The following RBFOX1 variants were observed in gnomAD, a reference collection of about 807,000 sequenced individuals.
RBFOX1 encodes the protein RNA binding fox-1 homolog 1, also known as RNA binding protein fox-1 homolog 1.
A neutral mutation model predicts 57.7 loss-of-function variants in RBFOX1; 8 were observed. That is an observed-to-expected ratio of 0.14 (90% CI 0.08 to 0.25). The LOEUF is 0.25. RBFOX1 is among the 10% of genes least tolerant of loss of function. RBFOX1 has a pLI of 1.00. For synonymous variants in RBFOX1, 326 were observed against 222.4 expected (o/e 1.47, Z -4.15); for missense variants, 611 against 548.5 (o/e 1.11, Z -1.14).
chr16:6,342,154 C>A (rs1275702187), intron 2 of RBFOX1, among the ~76,000 whole-genome samples: 1 of 152,074 alleles, frequency 6.6e-6, no homozygotes, highest in Non-Finnish European at 1.5e-5. Context: ...TGATGGTGGT[C>A]AATTTGCATT....
chr16:5,968,321 C>T (rs560923028), intron 4 of RBFOX1, among the ~76,000 whole-genome samples: 16 of 152,158 alleles, frequency 1.1e-4, no homozygotes, highest in Non-Finnish European at 1.9e-4. Flanking sequence ...ATGATCCCCC[C>T]GCCTCAGCCT....
At chr16:7,042,730 A>T (rs1208115186) in intron 3 of RBFOX1, among the ~76,000 whole-genome samples, 1 of 152,174 alleles carries the variant, frequency 6.6e-6, no homozygotes, top group East Asian at 1.9e-4. Flanking sequence ...GTTCAAGACC[A>T]GCCTGGCCAA....
rs575235024 is a variant in RBFOX1, at chr16:5,897,016, C to CTTTTTTTTTTTTTTTTTTTTTTTTTTTTT, written c.351+29683_351+29711dup. Among the ~76,000 whole-genome samples, 11 of 56,468 alleles carry CTTTTTTTTTTTTTTTTTTTTTTTTTTTTT rather than the reference C, an allele frequency of 1.9e-4. 3 individuals carry two copies. The highest frequency in any genetic ancestry group is 5.4e-4 in the African/African-American group (7 of 13,014). 37.0% of individuals were successfully genotyped at this position (56,468 alleles called of 152,430 possible). On this transcript the variant is annotated intron_variant, in intron 4 of 19. Transcript: ENST00000641259. Reference sequence around the variant, plus strand: ...CCCCCACTAAAAATGTATCCATCCGCTTTTTTTTTTTTTTTTTTTTTTTTT... The same window carrying CTTTTTTTTTTTTTTTTTTTTTTTTTTTTT: ...CCCCCACTAAAAATGTATCCATCCGCTTTTTTTTTTTTTTTTTTTTTTTTTTTTTTTTTTTTTTTTTTTTTTTTTTTTTT...
At chr16:7,365,820 T>C (rs919979746) in intron 4 of RBFOX1, among the ~76,000 whole-genome samples, 1 of 152,208 alleles carries the variant, frequency 6.6e-6, no homozygotes, top group African/African-American at 2.4e-5. Flanking sequence ...GATACAGGTA[T>C]CTCTTACGTG....
chr16:7,190,619 G>A (rs72636217), intron 4 of RBFOX1, among the ~76,000 whole-genome samples: 36,983 of 151,902 alleles, frequency 0.24, 4,862 homozygotes, highest in East Asian at 0.38. Context: ...TAGAGGGTTG[G>A]TAGAGTGGTA....
chr16:5,867,257 C>T (rs2057364355), intron 3 of RBFOX1: 6 of 1,146,940 alleles, frequency 5.2e-6, no homozygotes, highest in South Asian at 4.4e-5. Context: ...ATCCAATTAC[C>T]TTCTTGTTGA....
intron 1 of RBFOX1, among the ~76,000 whole-genome samples, chr16:6,282,816 C>T (rs554316834): frequency 6.6e-6 from 1 of 152,340 alleles, no homozygotes; most frequent in East Asian, 1.9e-4. Flanking sequence ...AGAGCAAGCT[C>T]TGCACATCAA....
chr16:5,685,710 G>C (rs1345081834), intron 3 of RBFOX1, among the ~76,000 whole-genome samples: 1 of 152,210 alleles, frequency 6.6e-6, no homozygotes, highest in Non-Finnish European at 1.5e-5. Flanking sequence ...TATCTCAGGA[G>C]GTGAGGAGAG....
intron 1 of RBFOX1, among the ~76,000 whole-genome samples, chr16:6,166,411 G>A (rs765795200): frequency 6.6e-6 from 1 of 152,006 alleles, no homozygotes; most frequent in Non-Finnish European, 1.5e-5. Context: ...GGCGGGGTTG[G>A]GGGGGAATGA....
intron 3 of RBFOX1, among the ~76,000 whole-genome samples, chr16:6,757,960 A>G (rs758945384): frequency 1.3e-5 from 2 of 152,134 alleles, no homozygotes; most frequent in African/African-American, 4.8e-5. Flanking sequence ...AATTACAACA[A>G]CATCCAGGTT....
chr16:5,577,751 T>C (rs948146033), intron 2 of RBFOX1, among the ~76,000 whole-genome samples: 8 of 152,054 alleles, frequency 5.3e-5, no homozygotes, highest in Non-Finnish European at 1.2e-4. Flanking sequence ...TTAATATTCC[T>C]GAAAAAACTA....
intron 3 of RBFOX1, among the ~76,000 whole-genome samples, chr16:6,932,656 T>A (rs1277803159): frequency 6.6e-6 from 1 of 152,046 alleles, no homozygotes. Flanking sequence ...TCATGGAGAG[T>A]TGCACCAGAT....
chr16:6,210,882 C>T (rs1477133036), intron 1 of RBFOX1, among the ~76,000 whole-genome samples: 1 of 152,146 alleles, frequency 6.6e-6, no homozygotes, highest in African/African-American at 2.4e-5. Flanking sequence ...GGTGTCAGCT[C>T]AGCTGATACC....
intron 4 of RBFOX1, among the ~76,000 whole-genome samples, chr16:7,091,660 G>A (rs1016261573): frequency 2.6e-5 from 4 of 152,144 alleles, no homozygotes; most frequent in African/African-American, 9.7e-5. Context: ...CCTGCTGTAA[G>A]CAAACTTGTG....
chr16:6,397,140 T>G (rs892775200), intron 2 of RBFOX1, among the ~76,000 whole-genome samples: 1 of 152,162 alleles, frequency 6.6e-6, no homozygotes, highest in African/African-American at 2.4e-5. Flanking sequence ...AAGTAATAGT[T>G]GAAATTTCTT....
chr16:7,041,902 G>A (rs1169168900), intron 3 of RBFOX1, among the ~76,000 whole-genome samples: 1 of 150,602 alleles, frequency 6.6e-6, no homozygotes, highest in Admixed American at 6.6e-5. Flanking sequence ...TAGACACTTT[G>A]CAGGTACCAT....
At chr16:5,739,767 G>A (rs2052710171) in intron 3 of RBFOX1, among the ~76,000 whole-genome samples, 1 of 152,244 alleles carries the variant, frequency 6.6e-6, no homozygotes, top group South Asian at 2.1e-4. Flanking sequence ...AGGGAAAACA[G>A]GGGAGCCACT....
chr16:7,665,292 T>A (rs1402435638), intron 13 of RBFOX1, among the ~76,000 whole-genome samples: 1 of 152,210 alleles, frequency 6.6e-6, no homozygotes, highest in African/African-American at 2.4e-5. Flanking sequence ...TCTCGATATG[T>A]TCTTCGTTTT....
At chr16:6,706,711 C>CTTT (rs33986994) in intron 3 of RBFOX1, among the ~76,000 whole-genome samples, 4,486 of 142,208 alleles carry the variant, frequency 0.032, 235 homozygotes, top group African/African-American at 0.11. Context: ...CAGCTGCAGT[C>CTTT]TTTTTTTTTT....
Sources: gnomAD v4.1 joint callset for allele counts (sites outside exome capture counted in the v4.1 genomes callset) on GRCh38, gnomAD v4.1.1 for gene constraint, MANE v1.5 for transcripts, NCBI Gene and HGNC (gene_info 2026-07-23, HGNC 2026-07-21) for gene names.